Variants in IGF2 observed in about 807,000 individuals in gnomAD.
IGF2 encodes the protein insulin like growth factor 2, also known as insulin-like growth factor 2.
In IGF2, 2 loss-of-function variants were observed where a neutral mutation model predicts 12.0. That is an observed-to-expected ratio of 0.17 (90% CI 0.07 to 0.52). The LOEUF is 0.52. Ranked by LOEUF, IGF2 falls within the 20% of genes least tolerant of loss-of-function variation. The pLI is 0.95. For synonymous variants in IGF2, 105 were observed against 110.1 expected (o/e 0.95, Z 0.29); for missense variants, 211 against 268.0 (o/e 0.79, Z 1.48).
Position 2,138,267 on chromosome 11 carries a change from G to T in IGF2, c.-45C>A. On this transcript the variant is annotated 5_prime_UTR_variant, in exon 1 of 4. Coordinates refer to ENST00000416167, the MANE Select transcript of IGF2 (RefSeq NM_000612.6). ...ACGCTGCCGCCCACCTCCCTGCTGC[G>T]TGTCGCAAACCGAACAGCGGGCGTT... is the stretch of plus-strand genomic sequence containing the variant. 4.1e-6 allele frequency: 4 copies of T among 985,268 alleles called. No homozygotes were observed. The highest frequency in any genetic ancestry group is 4.8e-6 in the Non-Finnish European group (4 of 829,806). 61.0% of individuals were successfully genotyped at this position (985,268 alleles called of 1,614,324 possible). A position where few individuals can be genotyped will look rare whatever the true frequency, so the allele number is the denominator to read the frequency against.
chr11:2,142,079 T>G (rs1222330630), upstream of IGF2, among the ~76,000 whole-genome samples: 2 of 152,166 alleles, frequency 1.3e-5, no homozygotes, highest in Non-Finnish European at 2.9e-5. This position sits in a 1 kb window ranked among gnomAD's most constrained non-coding sequence, Gnocchi z 5.7. Context: ...CGCAGGTTTT[T>G]CCATGCCTGG....
chr11:2,148,266 TGAC>T, the IGF2 span: 1 of 157,088 alleles, frequency 6.4e-6, no homozygotes, highest in Non-Finnish European at 1.4e-5. The surrounding 1 kb of genome is among the most constrained non-coding windows in gnomAD (Gnocchi z 4.3). Context: ...CAGCTCTGCT[TGAC>T]GAGGCCAGTG....
chr11:2,138,225 T>G lies in IGF2; in HGVS notation c.-7+4A>C, dbSNP rs1470475144. ...CCCCGGCCCGGCCCGCACACGCCGC[T>G]TACCTGGAAGCCGGCGACGCTGCCG... On this transcript the variant is annotated splice_donor_region_variant and intron_variant, in intron 1 of 3. Transcript: ENST00000416167. 1.0e-6 allele frequency: 1 copy of G among 984,608 alleles called. No homozygotes were observed. The allele number at this position is 984,608 out of a possible 1,614,324, so 61.0% of individuals were successfully genotyped here. A position where few individuals can be genotyped will look rare whatever the true frequency, so the allele number is the denominator to read the frequency against.
rs1190821576 is a variant in IGF2, at chr11:2,132,641, T to C, written c.*346A>G. 6.1e-6 allele frequency: 1 copy of C among 164,476 alleles called. No homozygotes were observed. Among genetic ancestry groups the C allele is most frequent in the Non-Finnish European group, 1.2e-5 (1 of 84,288 alleles). The allele number at this position is 164,476 out of a possible 1,614,324, so 10.2% of individuals were successfully genotyped here. A position where few individuals can be genotyped will look rare whatever the true frequency, so the allele number is the denominator to read the frequency against. On this transcript the variant is annotated 3_prime_UTR_variant, in exon 4 of 4. Transcript: ENST00000416167. ...GGGTGTTTCTAAAAAGCCAATTAGT[T>C]TTAAGAGGGTTGTTGTGGGGGGGGG...
At chr11:2,140,595 C>A, upstream of IGF2, 1 of 506,962 alleles carries the variant, frequency 2.0e-6, no homozygotes, top group South Asian at 1.8e-5. Flanking sequence ...CCCTGCCCGC[C>A]CCACTTTGGG....
the IGF2 span, chr11:2,148,777 T>C: frequency 3.3e-6 from 1 of 299,830 alleles, no homozygotes; most frequent in Non-Finnish European, 6.2e-6. The surrounding 1 kb of genome is among the most constrained non-coding windows in gnomAD (Gnocchi z 4.3). Context: ...TTCACACTTG[T>C]GAAGACAGCT....
chr11:2,146,028 C>T (rs1053620701), upstream of IGF2, among the ~76,000 whole-genome samples: 8 of 152,082 alleles, frequency 5.3e-5, no homozygotes, highest in South Asian at 4.1e-4. Context: ...CCCCAAGCAG[C>T]GTCCGCCCCC....
At chr11:2,147,736 G>T in the IGF2 span, 2 of 1,249,330 alleles carry the variant, frequency 1.6e-6, no homozygotes, top group Non-Finnish European at 2.0e-6. The surrounding 1 kb of genome is among the most constrained non-coding windows in gnomAD (Gnocchi z 7.2). Context: ...AGCTGGCAGC[G>T]ATTCAGAGCC....
chr11:2,141,310 C>T (rs892771270), upstream of IGF2: 20 of 151,964 alleles, frequency 1.3e-4, no homozygotes, highest in African/African-American at 4.8e-4. Flanking sequence ...GCCTTGCGGG[C>T]TTAGCGAATG....
Position 2,139,038 on chromosome 11 carries a change from CGGGGGGAGGGCTGGAGGGGGAGCGCGGG to C in IGF2, c.-844_-817del. On this transcript the variant is annotated 5_prime_UTR_variant, in exon 1 of 4. Transcript: ENST00000416167. Reference sequence around the variant, plus strand: ...AGGGGAGCGGCCCGAGGCTGCGCGCCGGGGGGAGGGCTGGAGGGGGAGCGCGGGGGGGGGTGACAACGCCGGCGGCCTG... The same window carrying C: ...AGGGGAGCGGCCCGAGGCTGCGCGCCGGGGGGTGACAACGCCGGCGGCCTG... The C allele has an allele frequency of 2.8e-6, 1 of 352,276 alleles. No individual in the cohort carries two copies. The highest frequency in any genetic ancestry group is 3.2e-6 in the Non-Finnish European group (1 of 308,962). 21.8% of individuals were successfully genotyped at this position (352,276 alleles called of 1,614,324 possible).
At position 2,138,939 on chromosome 11, in the gene IGF2, C is replaced by T; in HGVS notation, c.-717G>A. The stretch of plus-strand genomic sequence containing the variant: ...CGGTTTGGGCCGACGGAGCCCTCTG[C>T]CGTCGCGAGCCCGGGCCTCGGGAGG... On this transcript the variant is annotated 5_prime_UTR_variant, in exon 1 of 4. Coordinates refer to ENST00000416167, the MANE Select transcript of IGF2 (RefSeq NM_000612.6). The T allele has an allele frequency of 5.1e-6, 5 of 983,970 alleles. No homozygotes were observed. Among genetic ancestry groups the T allele is most frequent in the Non-Finnish European group, 6.0e-6 (5 of 828,952 alleles). The allele number at this position is 983,970 out of a possible 1,614,324, so 61.0% of individuals were successfully genotyped here.
chr11:2,140,555 C>A (rs1859501430), upstream of IGF2: 1 of 496,912 alleles, frequency 2.0e-6, no homozygotes, highest in Non-Finnish European at 3.6e-6. Flanking sequence ...CCGGCGGGAG[C>A]GCCTCTCCTC....
At chr11:2,139,537 G>A (rs1241238660), upstream of IGF2, 2 of 144,292 alleles carry the variant, frequency 1.4e-5, no homozygotes, top group African/African-American at 5.0e-5. Context: ...CCCGAGCCAA[G>A]AGCGGGGCGG....
chr11:2,129,971 G>A lies in IGF2; in HGVS notation c.*3016C>T, dbSNP rs578101955. On this transcript the variant is annotated 3_prime_UTR_variant, in exon 4 of 4. Coordinates refer to ENST00000416167, the MANE Select transcript of IGF2 (RefSeq NM_000612.6). This position sits in a 1 kb window ranked among gnomAD's most constrained non-coding sequence, Gnocchi z 8.1. ...TCTCCTGCTCTGTGGGCTCAGACCCGCCTGACCTCCCTACTCCCCGGCCTC... is the reference window on the plus strand; with the variant it reads ...TCTCCTGCTCTGTGGGCTCAGACCCACCTGACCTCCCTACTCCCCGGCCTC... 47 of 231,240 alleles carry A rather than the reference G, an allele frequency of 2.0e-4. No homozygotes were observed. Among genetic ancestry groups the A allele is most frequent in the Admixed American group, 5.1e-4 (9 of 17,730 alleles). The allele number at this position is 231,240 out of a possible 1,614,324, so 14.3% of individuals were successfully genotyped here.
In IGF2 at chr11:2,138,388, TGG is replaced by T. The variant is rs776260679; in HGVS notation, c.-168_-167del. On this transcript the variant is annotated 5_prime_UTR_variant, in exon 1 of 4. Coordinates refer to ENST00000416167, the MANE Select transcript of IGF2 (RefSeq NM_000612.6). ...GCAGAGCGGGGGGATGGCTTTTTTT[TGG>T]GGGGGGGGGGAGAATTCGTCTGATT... is the stretch of plus-strand genomic sequence containing the variant. The T allele has an allele frequency of 0.01, 1,302 of 129,314 alleles. 30 individuals are homozygous for T. The highest frequency in any genetic ancestry group is 0.068 in the African/African-American group (1,100 of 16,108). 8.0% of individuals were successfully genotyped at this position (129,314 alleles called of 1,614,324 possible).
intron 2 of IGF2, among the ~76,000 whole-genome samples, chr11:2,134,543 C>A (rs2133588671): frequency 6.6e-6 from 1 of 152,358 alleles, no homozygotes; most frequent in South Asian, 2.1e-4. Flanking sequence ...AGTGCATTTG[C>A]ATCCTGTGAG....
chr11:2,147,939 G>A, the IGF2 span: 6 of 567,190 alleles, frequency 1.1e-5, no homozygotes, highest in African/African-American at 3.8e-5. The surrounding 1 kb of genome is among the most constrained non-coding windows in gnomAD (Gnocchi z 7.2). Context: ...GTCAGGATCT[G>A]GGCAGCGGCT....
upstream of IGF2, chr11:2,140,190 C>A (rs1176659285): frequency 5.0e-6 from 8 of 1,613,436 alleles, no homozygotes; most frequent in African/African-American, 8.0e-5. Flanking sequence ...GCGGCCCACC[C>A]AAAATATCTG....
chr11:2,147,946 G>C, the IGF2 span: 1 of 513,528 alleles, frequency 1.9e-6, no homozygotes, highest in Non-Finnish European at 3.0e-6. The surrounding 1 kb of genome is among the most constrained non-coding windows in gnomAD (Gnocchi z 7.2). Context: ...TCTGGGCAGC[G>C]GCTTCCCCCT....
Sources: allele counts gnomAD v4.1 joint callset (sites outside exome capture counted in the v4.1 genomes callset), GRCh38; gene constraint gnomAD v4.1.1; non-coding constraint Gnocchi (gnomAD v3.1); transcripts MANE v1.5; gene names NCBI Gene and HGNC (gene_info 2026-07-23, HGNC 2026-07-21).